The following HMCN2 variants were observed in gnomAD, a reference collection of about 807,000 sequenced individuals.
HMCN2 encodes hemicentin 2, also known as hemicentin-2.
HMCN2 carries 325 observed loss-of-function variants against 377.5 expected under a neutral mutation model. That is an observed-to-expected ratio of 0.86 (90% CI 0.79 to 0.94). HMCN2 has a LOEUF of 0.94. Ranked by LOEUF, HMCN2 falls within the 40% of genes least tolerant of loss-of-function variation. The pLI, the probability that HMCN2 is intolerant of heterozygous loss-of-function variation, is 0.00. For missense variants in HMCN2, 4,543 were observed against 4,725.3 expected (o/e 0.96, Z 1.13); for synonymous variants, 2,007 against 2,046.8 (o/e 0.98, Z 0.53).
At position 130,432,563 on chromosome 9, in the gene HMCN2, C is replaced by T; in HGVS notation, c.14894+8C>T. The T allele has an allele frequency of 2.6e-6, 4 of 1,549,330 alleles. No homozygotes were observed. Among genetic ancestry groups the T allele is most frequent in the Non-Finnish European group, 3.5e-6 (4 of 1,146,146 alleles). On this transcript the variant is annotated splice_region_variant and intron_variant, in intron 97 of 97. Transcript: ENST00000683500. The stretch of plus-strand genomic sequence containing the variant: ...GCAGGGCCCCAGCCCTGGGTAAGGG[C>T]TGAGTTGGCAGGGCCTCGTGCCCTC...
At position 130,365,897 on chromosome 9, in the gene HMCN2, G is replaced by A. The variant is rs1029036937; in HGVS notation, c.6527G>A (p.Arg2176Lys). The stretch of plus-strand genomic sequence containing the variant: ...TCAGTTGCTCCAGTGTTCCCCTTGA[G>A]GGAATCCCACACCCTGACTGTGAGA... ...NVWVAPVFPL[R>K]ESHTLTVREG... The change falls in exon 43 of 98, where the codon AGG (arginine) becomes AAG (lysine). Residue 2176 changes from arginine (R) to lysine (K), a missense_variant. Physicochemically the swap from Arg to Lys is conservative, Grantham distance 26. This residue lies in a region of HMCN2 where 1,032 missense variants were observed against 1,285.1 expected (regional missense o/e 0.80). Coordinates refer to ENST00000683500, the MANE Select transcript of HMCN2 (RefSeq NM_001291815.2). The A allele has an allele frequency of 1.2e-4, 116 of 985,670 alleles. No homozygotes were observed. Among genetic ancestry groups the A allele is most frequent in the Non-Finnish European group, 1.4e-4 (115 of 829,916 alleles). The allele number at this position is 985,670 out of a possible 1,614,324, so 61.1% of individuals were successfully genotyped here. A position where few individuals can be genotyped will look rare whatever the true frequency, so the allele number is the denominator to read the frequency against.
rs1051228545 is a variant in HMCN2, at chr9:130,422,367, G to A, written c.13232-210G>A. Among the ~76,000 whole-genome samples, 2 of 152,202 alleles carry A rather than the reference G, an allele frequency of 1.3e-5. No homozygotes were observed. The highest frequency in any genetic ancestry group is 4.8e-5 in the African/African-American group (2 of 41,444). On this transcript the variant is annotated intron_variant, in intron 86 of 97. Transcript: ENST00000683500. This position sits in a 1 kb window ranked among gnomAD's most constrained non-coding sequence, Gnocchi z 4.2. ...GAAGCCAGCTCCGCCCTGAGCCCAG[G>A]GTTCCTCCTAACAGCCTCCCTTCCC... is the stretch of plus-strand genomic sequence containing the variant.
chr9:130,369,681 C>T lies in HMCN2; in HGVS notation c.6899C>T (p.Thr2300Ile). Reference sequence around the variant, plus strand: ...ACAGGGAAACCCCCTCCGACAGTGACATGGGAGCGGGACGGCCAGCCCGTG... The same window carrying T: ...ACAGGGAAACCCCCTCCGACAGTGATATGGGAGCGGGACGGCCAGCCCGTG... Reference protein sequence around the residue: ...NATGKPPPTVTWERDGQPVGA... With the variant: ...NATGKPPPTVIWERDGQPVGA... The change falls in exon 45 of 98, where the codon ACA becomes ATA. Residue 2300 changes from threonine to isoleucine, a missense_variant. Thr to Ile is a moderately conservative substitution (Grantham distance 89, BLOSUM62 -1). Coordinates refer to ENST00000683500, the MANE Select transcript of HMCN2 (RefSeq NM_001291815.2). The surrounding 1 kb of genome is among the most constrained non-coding windows in gnomAD (Gnocchi z 4.5). 1.0e-6 allele frequency: 1 copy of T among 986,004 alleles called. No homozygotes were observed. Among genetic ancestry groups the T allele is most frequent in the Non-Finnish European group, 1.2e-6 (1 of 830,034 alleles). The allele number at this position is 986,004 out of a possible 1,614,324, so 61.1% of individuals were successfully genotyped here.
intron 60 of HMCN2, 91 bp downstream of exon 60, chr9:130,385,853 ATGTG>A: frequency 1.1e-6 from 1 of 902,850 alleles, no homozygotes; most frequent in Non-Finnish European, 1.5e-6. Context: ...GGTGGGCAGG[ATGTG>A]AGTTGCTGCC....
chr9:130,377,883 G>A lies in HMCN2; in HGVS notation c.8212+84G>A, dbSNP rs967470153. 5 of 946,730 alleles carry A rather than the reference G, an allele frequency of 5.3e-6. No homozygotes were observed. The African/African-American group carries it at 5.3e-5, about 10-fold the overall frequency. The allele number at this position is 946,730 out of a possible 1,614,324, so 58.6% of individuals were successfully genotyped here. A position where few individuals can be genotyped will look rare whatever the true frequency, so the allele number is the denominator to read the frequency against. On this transcript the variant is annotated intron_variant, in intron 53 of 97. Coordinates refer to ENST00000683500, the MANE Select transcript of HMCN2 (RefSeq NM_001291815.2). Reference sequence around the variant, plus strand: ...CTGGCCCTCCGCAGGCCCCCACCATGTGTCCTGCAGCTCACGCGCCACCCG... The same window carrying A: ...CTGGCCCTCCGCAGGCCCCCACCATATGTCCTGCAGCTCACGCGCCACCCG...
rs1162180608 is a variant in HMCN2, at chr9:130,346,707, G to GA, written c.3830-452dup. Reference sequence around the variant, plus strand: ...GCTAGAGGCTGGCGGTGGCAGCAGGGAAAAAAACAAAGAGCCTGGCCCTCG... The same window carrying GA: ...GCTAGAGGCTGGCGGTGGCAGCAGGGAAAAAAAACAAAGAGCCTGGCCCTCG... On this transcript the variant is annotated intron_variant, in intron 25 of 97. Transcript: ENST00000683500. 5.9e-5 allele frequency among the ~76,000 whole-genome samples: 9 copies of GA among 152,150 alleles called. No individual in the cohort carries two copies. In the South Asian group the frequency reaches 8.3e-4, roughly 14 times the overall value.
chr9:130,398,796 C>T (rs529583265), intron 75 of HMCN2, 89 bp downstream of exon 75: 7 of 882,442 alleles, frequency 7.9e-6, no homozygotes, highest in African/African-American at 5.1e-5. Flanking sequence ...AGGGACGGGG[C>T]GGGGTGTGCT....
chr9:130,383,483 C>T, intron 56 of HMCN2, 21 bp from the exon 57 acceptor site: 1 of 979,732 alleles, frequency 1.0e-6, no homozygotes, highest in Non-Finnish European at 1.2e-6. Context: ...ATCTCCCAGG[C>T]ATGGCTCCCT....
chr9:130,358,738 ATCTCGGC>A (rs1840189762), intron 36 of HMCN2, among the ~76,000 whole-genome samples: 1 of 151,184 alleles, frequency 6.6e-6, no homozygotes, highest in Non-Finnish European at 1.5e-5. Context: ...CAGTGGCACT[ATCTCGGC>A]TCACCGCAAG....
At chr9:130,335,766 A>T (rs1406883991) in intron 22 of HMCN2, among the ~76,000 whole-genome samples, 1 of 151,980 alleles carries the variant, frequency 6.6e-6, no homozygotes, top group African/African-American at 2.4e-5. Flanking sequence ...TCTCACCAGG[A>T]CACCTGCCGT....
rs1384834278 is a variant in HMCN2 at position 130,286,177 on chromosome 9, C to G, written c.490-11C>G. The G allele has an allele frequency of 6.4e-6, 3 of 470,474 alleles. 1 individual carries two copies. In the Admixed American group the frequency reaches 7.0e-5, roughly 11 times the overall value. The allele number at this position is 470,474 out of a possible 1,614,324, so 29.1% of individuals were successfully genotyped here. ...GGGAAGTCGAGAGCAGGCTGCACGT[C>G]CATCTTCCAGGTGGTCTTTGTGCTG... On this transcript the variant is annotated splice_polypyrimidine_tract_variant and intron_variant, in intron 3 of 97. Coordinates refer to ENST00000683500, the MANE Select transcript of HMCN2 (RefSeq NM_001291815.2).
intron 82 of HMCN2, chr9:130,407,083 T>C (rs1843134688): frequency 6.5e-6 from 1 of 153,900 alleles, no homozygotes; most frequent in Non-Finnish European, 1.4e-5. Context: ...AAACCCCATC[T>C]CTACTAAAAA....
intron 13 of HMCN2, 71 bp downstream of exon 13, chr9:130,307,009 A>T (rs1354933910): frequency 2.4e-6 from 1 of 413,262 alleles, no homozygotes; most frequent in Non-Finnish European, 5.1e-6. Context: ...CCTCCCATCC[A>T]TCAGTATTTA....
At chr9:130,395,475 C>A in intron 71 of HMCN2, 128 bp downstream of exon 71, 1 of 769,096 alleles carries the variant, frequency 1.3e-6, no homozygotes, top group Non-Finnish European at 1.8e-6. Flanking sequence ...GCACCCTGTT[C>A]CCCGGGTGTC....
At chr9:130,427,728 G>A (rs1454607340) in intron 92 of HMCN2, 109 bp downstream of exon 92, 3 of 1,329,952 alleles carry the variant, frequency 2.3e-6, no homozygotes, top group African/African-American at 3.0e-5. Context: ...GACCTGCAGG[G>A]ATGGCCAATT....
At chr9:130,305,060 C>T (rs1440745173) in intron 11 of HMCN2, 58 bp downstream of exon 11, 2 of 440,668 alleles carry the variant, frequency 4.5e-6, no homozygotes, top group East Asian at 1.4e-4. Flanking sequence ...TGGTGTTTAC[C>T]CCAGAAGCCG....
rs539163655 is a variant in HMCN2 at position 130,281,616 on chromosome 9, C to T, written c.260-2987C>T. Among the ~76,000 whole-genome samples, 54 of 142,800 alleles carry T rather than the reference C, an allele frequency of 3.8e-4. 1 individual carries two copies. The highest frequency in any genetic ancestry group is 1.4e-3 in the African/African-American group (52 of 38,078). The allele number at this position is 142,800 out of a possible 152,430, so 93.7% of individuals were successfully genotyped here. ...CAGTCTCAAAAAAAAAAAGGACTGG[C>T]GCACTGGCTCATGCCTGCTGTAATC... is the stretch of plus-strand genomic sequence containing the variant. On this transcript the variant is annotated intron_variant, in intron 1 of 97. Coordinates refer to ENST00000683500, the MANE Select transcript of HMCN2 (RefSeq NM_001291815.2).
chr9:130,289,774 C>T (rs1306771321), intron 4 of HMCN2, among the ~76,000 whole-genome samples: 1 of 152,152 alleles, frequency 6.6e-6, no homozygotes, highest in East Asian at 1.9e-4. Flanking sequence ...GGGCGAGTGC[C>T]CAGGGTGCCC....
chr9:130,332,686 A>G lies in HMCN2; in HGVS notation c.3360-5208A>G, dbSNP rs1055735039. Among the ~76,000 whole-genome samples, 34 of 152,220 alleles carry G rather than the reference A, an allele frequency of 2.2e-4. No homozygotes were observed. In the East Asian group the frequency reaches 3.9e-3, roughly 17 times the overall value. ...AATTTCTCCAGCATGACCTTCCCTC[A>G]TGTGGCCTCCTCACGGGTCTGCGAT... is the stretch of plus-strand genomic sequence containing the variant. On this transcript the variant is annotated intron_variant, in intron 22 of 97. Transcript: ENST00000683500.
Sources: allele counts gnomAD v4.1 joint callset (sites outside exome capture counted in the v4.1 genomes callset), GRCh38; gene constraint gnomAD v4.1.1; regional missense constraint gnomAD v4.1.1; non-coding constraint Gnocchi (gnomAD v3.1); transcripts MANE v1.5; gene names NCBI Gene and HGNC (gene_info 2026-07-23, HGNC 2026-07-21).